Variants in CEACAM8 observed in about 807,000 individuals in gnomAD.
CEACAM8 encodes the protein cell adhesion molecule CEACAM8.
In CEACAM8, 31 loss-of-function variants were observed where a neutral mutation model predicts 33.4. The ratio of observed to expected loss-of-function variants is 0.93; its 90% CI spans 0.70 to 1.25. CEACAM8 has a LOEUF of 1.25. Among genes scored for constraint, CEACAM8 ranks in the 50% most tolerant of loss-of-function variants. CEACAM8 has a pLI of 0.00. For synonymous variants in CEACAM8, 138 were observed against 164.5 expected, an observed-to-expected ratio of 0.84 and a Z score of 1.23; for missense variants, 388 against 434.6, an observed-to-expected ratio of 0.89 and a Z score of 0.95.
chr19:42,590,402 G>A (rs942726143), intron 2 of CEACAM8, among the ~76,000 whole-genome samples: 13 of 152,232 alleles, frequency 8.5e-5, no homozygotes, highest in African/African-American at 3.1e-4. Context: ...GGACAGGCAA[G>A]AACAGGTGGC....
Position 42,583,189 on chromosome 19 carries a change from A to C in CEACAM8, c.*40+17T>G. On this transcript the variant is annotated intron_variant, in intron 5 of 5. Coordinates refer to ENST00000244336, the MANE Select transcript of CEACAM8 (RefSeq NM_001816.4). ...TCAGCCCTGCAGGAAACAGGACAAGAGGAAAGGCCATCATACCTGCCAGTC... is the reference window on the plus strand; with the variant it reads ...TCAGCCCTGCAGGAAACAGGACAAGCGGAAAGGCCATCATACCTGCCAGTC... 2.7e-6 allele frequency: 3 copies of C among 1,121,826 alleles called. No individual in the cohort carries two copies. The East Asian group carries it at 7.1e-5, about 27-fold the overall frequency. The allele number at this position is 1,121,826 out of a possible 1,614,324, so 69.5% of individuals were successfully genotyped here.
rs2042518074 is a variant in CEACAM8 at position 42,594,857 on chromosome 19, G to A, written c.-29C>T. ...CTCTGCTGCCTGCGTGTTCTCCTCT[G>A]TGGAGATGAGCCTGGGATCCAGAAA... On this transcript the variant is annotated 5_prime_UTR_variant, in exon 1 of 6. Coordinates refer to ENST00000244336, the MANE Select transcript of CEACAM8 (RefSeq NM_001816.4). The A allele has an allele frequency of 6.3e-7, 1 of 1,597,668 alleles. No individual in the cohort carries two copies. Among genetic ancestry groups the A allele is most frequent in the African/African-American group, 1.3e-5 (1 of 74,344 alleles).
intron 2 of CEACAM8, 147 bp from the exon 3 acceptor site, chr19:42,589,882 G>A (rs2147867227): frequency 1.3e-6 from 2 of 1,486,808 alleles, no homozygotes; most frequent in South Asian, 1.3e-5. Flanking sequence ...CAAGACAGAT[G>A]CACAATGATC....
At chr19:42,581,888 C>CAA (rs71298757) in intron 5 of CEACAM8, among the ~76,000 whole-genome samples, 202 of 13,890 alleles carry the variant, frequency 0.015, 67 homozygotes, top group Non-Finnish European at 0.022. Context: ...GACTCCGTCT[C>CAA]AAAAAAAAAA....
intron 5 of CEACAM8, among the ~76,000 whole-genome samples, chr19:42,581,932 T>A (rs1292949624): frequency 2.4e-4 from 26 of 106,394 alleles, no homozygotes; most frequent in African/African-American, 7.7e-4. Context: ...TATATATATA[T>A]ATATATATAT....
At chr19:42,592,472 AT>A (rs1028033194) in intron 2 of CEACAM8, among the ~76,000 whole-genome samples, 121 of 151,792 alleles carry the variant, frequency 8.0e-4, no homozygotes, top group African/African-American at 2.9e-3. Context: ...GGGTGGTGGC[AT>A]GCACCTGTAG....
intron 4 of CEACAM8, among the ~76,000 whole-genome samples, chr19:42,587,904 G>A (rs918932402): frequency 4.6e-5 from 7 of 152,222 alleles, no homozygotes; most frequent in African/African-American, 1.7e-4. Flanking sequence ...TTGGGAGGCT[G>A]AGGCAGGAGA....
chr19:42,585,472 A>G (rs1168515354), intron 4 of CEACAM8, among the ~76,000 whole-genome samples: 1 of 152,226 alleles, frequency 6.6e-6, no homozygotes, highest in Admixed American at 6.5e-5. Context: ...ATTCCAAGAA[A>G]CACACACAAA....
chr19:42,588,843 T>G lies in CEACAM8; in HGVS notation c.899A>C (p.His300Pro), dbSNP rs1196655969. The G allele has an allele frequency of 2.5e-6, 4 of 1,614,086 alleles. No homozygotes were observed. The highest frequency in any genetic ancestry group is 2.5e-6 in the Non-Finnish European group (3 of 1,180,038). ...TTKNSGSYACHTTNSATGRNR... is the reference protein window; with the variant it reads ...TTKNSGSYACPTTNSATGRNR... ...GCGGCCAGTGGCTGAGTTAGTGGTG[T>G]GGCAGGCATAGGATCCGCTGTTCTT... The change falls in exon 4 of 6, where the codon CAC (histidine) becomes CCC (proline). Residue 300 changes from histidine (H) to proline (P), a missense_variant. Coordinates refer to ENST00000244336, the MANE Select transcript of CEACAM8 (RefSeq NM_001816.4).
Position 42,593,999 on chromosome 19 carries a change from G to C in CEACAM8, c.65-99C>G, listed in dbSNP as rs575258386. The stretch of plus-strand genomic sequence containing the variant: ...GGAGTTTGTGTGTTTTTATGTGTGT[G>C]TATGTGTGTGTGTCCTACTGAGTCA... On this transcript the variant is annotated intron_variant, in intron 1 of 5. Coordinates refer to ENST00000244336, the MANE Select transcript of CEACAM8 (RefSeq NM_001816.4). 5 of 1,266,588 alleles carry C rather than the reference G, an allele frequency of 3.9e-6. No homozygotes were observed. In the South Asian group the frequency reaches 7.2e-5, roughly 18 times the overall value. 78.5% of individuals were successfully genotyped at this position (1,266,588 alleles called of 1,614,324 possible).
rs1338872284 is a variant in CEACAM8, at chr19:42,589,863, T to G, written c.425-128A>C. 2.6e-6 allele frequency: 4 copies of G among 1,537,626 alleles called. No homozygotes were observed. The Admixed American group carries it at 5.4e-5, about 21-fold the overall frequency. On this transcript the variant is annotated intron_variant, in intron 2 of 5. Transcript: ENST00000244336. ...AGTCCTTAAAAGCCCACGGTGGGTG[T>G]GTGTGTCACAAGACAGATGCACAAT...
intron 4 of CEACAM8, among the ~76,000 whole-genome samples, chr19:42,588,252 C>T (rs1835790837): frequency 1.3e-5 from 2 of 152,138 alleles, no homozygotes; most frequent in African/African-American, 4.8e-5. Flanking sequence ...CACCTGGGTC[C>T]CACCCCAGGT....
Position 42,588,958 on chromosome 19 carries a change from C to A in CEACAM8, c.784G>T (p.Ala262Ser), listed in dbSNP as rs775595435. 1.2e-6 allele frequency: 2 copies of A among 1,614,016 alleles called. No individual in the cohort carries two copies. Among genetic ancestry groups the A allele is most frequent in the East Asian group, 2.2e-5 (1 of 44,884 alleles). Residue 262 changes from alanine (A) to serine (S), a missense_variant, in exon 4 of 6, where the codon GCC becomes TCC. Ala to Ser is a moderately conservative substitution (Grantham distance 99). Coordinates refer to ENST00000244336, the MANE Select transcript of CEACAM8 (RefSeq NM_001816.4). The stretch of plus-strand genomic sequence containing the variant: ...GAATACTGTGAGGGTGGATTAGAGG[C>A]CGCATGGCAGGAGAGGTTGAGATTT... Reference protein sequence around the residue: ...GVNLNLSCHAASNPPSQYSWS... With the variant: ...GVNLNLSCHASSNPPSQYSWS...
chr19:42,585,164 G>C (rs1329987424), intron 4 of CEACAM8, among the ~76,000 whole-genome samples: 1 of 152,004 alleles, frequency 6.6e-6, no homozygotes, highest in Non-Finnish European at 1.5e-5. Flanking sequence ...TGGGCATGAT[G>C]GTATGCACCT....
intron 4 of CEACAM8, among the ~76,000 whole-genome samples, chr19:42,587,362 A>G (rs1455407154): frequency 1.3e-5 from 2 of 152,252 alleles, no homozygotes; most frequent in East Asian, 1.9e-4. Context: ...TTGAAAGATA[A>G]GTGGATAGAA....
At position 42,589,634 on chromosome 19, in the gene CEACAM8, A is replaced by T; in HGVS notation, c.526T>A (p.Tyr176Asn). The T allele has an allele frequency of 6.2e-7, 1 of 1,614,226 alleles. No individual in the cohort carries two copies. The highest frequency in any genetic ancestry group is 8.5e-7 in the Non-Finnish European group (1 of 1,180,036). ...CTCTGACCATTTACCCACCACAGGT[A>T]GGTTGTGTTCTGAGTCTCAGGTTCA... Reference protein sequence around the residue: ...TCEPETQNTTYLWWVNGQSLP... With the variant: ...TCEPETQNTTNLWWVNGQSLP... The change falls in exon 3 of 6, where the codon TAC becomes AAC. Residue 176 changes from tyrosine (Y) to asparagine (N), a missense_variant. Physicochemically the swap from Tyr to Asn is moderately radical, Grantham distance 143. Coordinates refer to ENST00000244336, the MANE Select transcript of CEACAM8 (RefSeq NM_001816.4).
intron 2 of CEACAM8, among the ~76,000 whole-genome samples, chr19:42,592,428 C>G (rs2042458743): frequency 7.3e-6 from 1 of 136,100 alleles, no homozygotes; most frequent in Non-Finnish European, 1.5e-5. Flanking sequence ...CATGGTAAAA[C>G]TCTGTCTCTA....
In CEACAM8 at chr19:42,583,027, A is replaced by G. The variant is rs116249238; in HGVS notation, c.*40+179T>C. 1.6e-3 allele frequency: 857 copies of G among 542,616 alleles called. 9 individuals carry two copies. The highest frequency in any genetic ancestry group is 0.015 in the African/African-American group (773 of 51,102). 33.6% of individuals were successfully genotyped at this position (542,616 alleles called of 1,614,324 possible). Reference sequence around the variant, plus strand: ...GCAGAGGCTGGGAATAATCACATCTAAGAGACAGTGGGGTACAGGGAGCAT... The same window carrying G: ...GCAGAGGCTGGGAATAATCACATCTGAGAGACAGTGGGGTACAGGGAGCAT... On this transcript the variant is annotated intron_variant, in intron 5 of 5. Transcript: ENST00000244336.
At chr19:42,585,314 A>C in intron 4 of CEACAM8, among the ~76,000 whole-genome samples, 1 of 89,666 alleles carries the variant, frequency 1.1e-5, no homozygotes, top group African/African-American at 9.0e-5. Context: ...TCTCTCTCTC[A>C]AAAAAAAAAA....
Sources: gnomAD v4.1 joint callset for allele counts (sites outside exome capture counted in the v4.1 genomes callset) on GRCh38, gnomAD v4.1.1 for gene constraint, MANE v1.5 for transcripts, NCBI Gene and HGNC (gene_info 2026-07-23, HGNC 2026-07-21) for gene names.